The following NR5A2 variants were observed in gnomAD, a reference collection of about 807,000 sequenced individuals.
NR5A2 encodes the protein CYP7A promoter-binding factor.
A neutral mutation model predicts 62.7 loss-of-function variants in NR5A2; 26 were observed. That is an observed-to-expected ratio of 0.41 (90% CI 0.30 to 0.58). The LOEUF (loss-of-function observed/expected upper bound fraction) is 0.58, where lower values mean the gene tolerates loss of function less well. Ranked by LOEUF, NR5A2 falls within the 20% of genes least tolerant of loss-of-function variation. NR5A2 has a pLI of 0.22. For missense variants in NR5A2, 541 were observed against 669.1 expected, an observed-to-expected ratio of 0.81 and a Z score of 2.11; for synonymous variants, 246 against 241.7, an observed-to-expected ratio of 1.02 and a Z score of -0.16.
At position 200,176,588 on chromosome 1, in the gene NR5A2, A is replaced by G. The variant is rs1654430642; in HGVS notation, c.*2378A>G. The G allele has an allele frequency of 6.6e-6, 1 of 152,246 alleles. No homozygotes were observed. Among genetic ancestry groups the G allele is most frequent in the South Asian group, 2.1e-4 (1 of 4,836 alleles). The allele number at this position is 152,246 out of a possible 1,614,324, so 9.4% of individuals were successfully genotyped here. On this transcript the variant is annotated 3_prime_UTR_variant, in exon 8 of 8. Coordinates refer to ENST00000367362, the MANE Select transcript of NR5A2 (RefSeq NM_205860.3). ...TGCATGTGTAATGTGGATGGAGACA[A>G]TTATAAGATTTGACTATAACTATTT...
Position 200,147,655 on chromosome 1 carries a change from A to C in NR5A2, c.1379-26308A>C, listed in dbSNP as rs928311650. ...GCCCTGGATCTTGTCGATTGAGTTGAAGTCGGACACGTGGAAGACATGGGT... is the reference window on the plus strand; with the variant it reads ...GCCCTGGATCTTGTCGATTGAGTTGCAGTCGGACACGTGGAAGACATGGGT... On this transcript the variant is annotated intron_variant, in intron 7 of 7. Transcript: ENST00000367362. This position sits in a 1 kb window ranked among gnomAD's most constrained non-coding sequence, Gnocchi z 4.9. 1.4e-6 allele frequency: 1 copy of C among 703,134 alleles called. No homozygotes were observed. The highest frequency in any genetic ancestry group is 1.8e-5 in the African/African-American group (1 of 56,372). The allele number at this position is 703,134 out of a possible 1,614,324, so 43.6% of individuals were successfully genotyped here. A position where few individuals can be genotyped will look rare whatever the true frequency, so the allele number is the denominator to read the frequency against.
chr1:200,039,536 T>C lies in NR5A2; in HGVS notation c.65-122T>C. Reference sequence around the variant, plus strand: ...GAGACCGGACAGGGCTCAGAGGTCCTGCCCGGCAGCCCCGAGGAGGCGGAG... The same window carrying C: ...GAGACCGGACAGGGCTCAGAGGTCCCGCCCGGCAGCCCCGAGGAGGCGGAG... On this transcript the variant is annotated intron_variant, in intron 1 of 7. Coordinates refer to ENST00000367362, the MANE Select transcript of NR5A2 (RefSeq NM_205860.3). The surrounding 1 kb of genome is among the most constrained non-coding windows in gnomAD (Gnocchi z 5.1). 2 of 1,444,456 alleles carry C rather than the reference T, an allele frequency of 1.4e-6. No homozygotes were observed. Among genetic ancestry groups the C allele is most frequent in the Non-Finnish European group, 1.9e-6 (2 of 1,051,094 alleles). The allele number at this position is 1,444,456 out of a possible 1,614,324, so 89.5% of individuals were successfully genotyped here. A position where few individuals can be genotyped will look rare whatever the true frequency, so the allele number is the denominator to read the frequency against.
At chr1:200,063,838 CTG>C (rs1305679191) in intron 5 of NR5A2, among the ~76,000 whole-genome samples, 10 of 152,190 alleles carry the variant, frequency 6.6e-5, no homozygotes, top group Non-Finnish European at 1.5e-4. Context: ...CAAGTTTGTA[CTG>C]TGTGTCAATC....
chr1:200,081,220 A>G (rs1252993656), intron 5 of NR5A2, among the ~76,000 whole-genome samples: 2 of 152,230 alleles, frequency 1.3e-5, no homozygotes, highest in Non-Finnish European at 2.9e-5. Flanking sequence ...ACAGAAGGGC[A>G]GGTCCCAAAC....
At chr1:200,169,484 A>T (rs7521363) in intron 7 of NR5A2, among the ~76,000 whole-genome samples, 24,639 of 152,172 alleles carry the variant, frequency 0.16, 2,800 homozygotes, top group African/African-American at 0.32. Context: ...GAGGCAGAGA[A>T]GAGTATCTTC....
At chr1:200,100,614 C>G (rs1018866271) in intron 5 of NR5A2, among the ~76,000 whole-genome samples, 9 of 152,298 alleles carry the variant, frequency 5.9e-5, no homozygotes, top group African/African-American at 1.9e-4. Context: ...AAGTTGTGCT[C>G]TAGGACCAAA....
At chr1:200,146,733 T>C (rs537179918) in intron 7 of NR5A2, among the ~76,000 whole-genome samples, 1 of 152,190 alleles carries the variant, frequency 6.6e-6, no homozygotes, top group Non-Finnish European at 1.5e-5. Flanking sequence ...TCAAAATTAA[T>C]GAACAAATTA....
At chr1:200,118,663 G>GTAT (rs1234981323) in intron 6 of NR5A2, among the ~76,000 whole-genome samples, 1 of 152,148 alleles carries the variant, frequency 6.6e-6, no homozygotes, top group Non-Finnish European at 1.5e-5. Context: ...AGTAAAATTT[G>GTAT]TATTATTATT....
chr1:200,082,045 C>T (rs931867259), intron 5 of NR5A2, among the ~76,000 whole-genome samples: 10 of 152,192 alleles, frequency 6.6e-5, no homozygotes, highest in South Asian at 4.1e-4. Context: ...TTCTGGTTTT[C>T]GTATGGTTTG....
rs397982581 is a variant in NR5A2 at position 200,118,019 on chromosome 1, CTTTTT to C, written c.1231-2776_1231-2772del. ...ATGAGCCGCCGCACCTCGCCTTTTT[CTTTTT>C]TTTTTTTTTTTTGAGACAGTCTCAC... On this transcript the variant is annotated intron_variant, in intron 6 of 7. Transcript: ENST00000367362. Among the ~76,000 whole-genome samples the C allele has an allele frequency of 2.6e-5, 3 of 117,336 alleles. 1 individual carries two copies. In the South Asian group the frequency reaches 8.5e-4, roughly 33 times the overall value. The allele number at this position is 117,336 out of a possible 152,430, so 77.0% of individuals were successfully genotyped here.
At chr1:200,164,955 C>T in intron 7 of NR5A2, among the ~76,000 whole-genome samples, 1 of 143,630 alleles carries the variant, frequency 7.0e-6, no homozygotes, top group Non-Finnish European at 1.5e-5. Context: ...CAGCTCACTG[C>T]AACCTCCAAC....
intron 5 of NR5A2, among the ~76,000 whole-genome samples, chr1:200,108,477 T>C (rs145855352): frequency 6.6e-6 from 1 of 152,256 alleles, no homozygotes; most frequent in Non-Finnish European, 1.5e-5. Context: ...ATGGGAATAA[T>C]AAATTTTCTT....
intron 5 of NR5A2, among the ~76,000 whole-genome samples, chr1:200,089,226 GT>G (rs1664695434): frequency 6.6e-6 from 1 of 152,074 alleles, no homozygotes; most frequent in African/African-American, 2.4e-5. Flanking sequence ...TGTTTGTTTT[GT>G]TTTTTGAGAC....
chr1:200,045,293 A>T (rs1291035520), intron 3 of NR5A2, 150 bp from the exon 4 acceptor site: 4 of 597,656 alleles, frequency 6.7e-6, no homozygotes, highest in Non-Finnish European at 1.1e-5. Flanking sequence ...GGGAAGGTTG[A>T]TGTTGCTGAA....
chr1:200,094,390 G>A (rs1006032472), intron 5 of NR5A2, among the ~76,000 whole-genome samples: 1 of 151,418 alleles, frequency 6.6e-6, no homozygotes, highest in Non-Finnish European at 1.5e-5. Context: ...TCACCATGTT[G>A]CCCAGGCTGG....
chr1:200,154,250 C>G (rs930837263), intron 7 of NR5A2, among the ~76,000 whole-genome samples: 1 of 152,094 alleles, frequency 6.6e-6, no homozygotes, highest in Non-Finnish European at 1.5e-5. Context: ...ATTAAGAGTA[C>G]TTTTGTGGGA....
intron 5 of NR5A2, among the ~76,000 whole-genome samples, chr1:200,107,044 G>A (rs968800476): frequency 2.0e-5 from 3 of 152,174 alleles, no homozygotes; most frequent in Admixed American, 2.0e-4. Context: ...GCGGCGTTGG[G>A]TGTTAAAATT....
At chr1:200,136,139 C>A (rs1338083832) in intron 7 of NR5A2, among the ~76,000 whole-genome samples, 2 of 152,130 alleles carry the variant, frequency 1.3e-5, no homozygotes, top group Non-Finnish European at 2.9e-5. Context: ...GGTGCAGGCC[C>A]TAGATGATGA....
At chr1:200,103,040 C>T (rs2816986) in intron 5 of NR5A2, among the ~76,000 whole-genome samples, 71,140 of 151,456 alleles carry the variant, frequency 0.47, 17,046 homozygotes, top group African/African-American at 0.56. Context: ...CCTCAGTTTC[C>T]TCATTGGTAA....
Sources: allele counts gnomAD v4.1 joint callset (sites outside exome capture counted in the v4.1 genomes callset), GRCh38; gene constraint gnomAD v4.1.1; non-coding constraint Gnocchi (gnomAD v3.1); transcripts MANE v1.5; gene names NCBI Gene and HGNC (gene_info 2026-07-23, HGNC 2026-07-21).